Variants in GPC5 observed in about 807,000 individuals in gnomAD.
The protein encoded by GPC5 is glypican-5.
A neutral mutation model predicts 53.9 loss-of-function variants in GPC5; 47 were observed. That is an observed-to-expected ratio of 0.87 (90% confidence interval 0.69 to 1.11). GPC5 has a LOEUF of 1.11. Among genes scored for constraint, GPC5 ranks in the 50% most tolerant of loss-of-function variants. GPC5 has a pLI of 0.00. For missense variants in GPC5, 748 were observed against 713.1 expected, an observed-to-expected ratio of 1.05 and a Z score of -0.56; for synonymous variants, 286 against 263.3, an observed-to-expected ratio of 1.09 and a Z score of -0.84.
At chr13:92,449,155 G>A (rs781715607) in intron 7 of GPC5, 2 of 151,966 alleles carry the variant, frequency 1.3e-5, no homozygotes, top group East Asian at 3.9e-4. Context: ...TGATATTCAA[G>A]GTTTCCTAGG....
At position 92,638,139 on chromosome 13, in the gene GPC5, G is replaced by A. The variant is rs558970271; in HGVS notation, c.1562-228143G>A. On this transcript the variant is annotated intron_variant, in intron 7 of 7. Transcript: ENST00000377067. Reference sequence around the variant, plus strand: ...GGTAATTGGATTCCCCAAAGGATAGGGGAGAGGAAAGTTTTCAGAAAATAA... The same window carrying A: ...GGTAATTGGATTCCCCAAAGGATAGAGGAGAGGAAAGTTTTCAGAAAATAA... Among the ~76,000 whole-genome samples the A allele has an allele frequency of 1.1e-4, 17 of 152,194 alleles. 1 individual carries two copies. In the South Asian group the frequency reaches 3.5e-3, roughly 32 times the overall value.
intron 4 of GPC5, among the ~76,000 whole-genome samples, chr13:91,750,476 A>T (rs1423052003): frequency 6.6e-6 from 1 of 152,176 alleles, no homozygotes; most frequent in Non-Finnish European, 1.5e-5. Context: ...CAGTAGAGAA[A>T]TAATTGCATG....
At position 91,636,899 on chromosome 13, in the gene GPC5, A is replaced by T. The variant is rs537483850; in HGVS notation, c.326-56288A>T. ...CTCGAGTCCAGGCATTTGAGGCTGT[A>T]GTGAGCTATGATCCAGTACCCCTAT... On this transcript the variant is annotated intron_variant, in intron 2 of 7. Coordinates refer to ENST00000377067, the MANE Select transcript of GPC5 (RefSeq NM_004466.6). 2.6e-5 allele frequency among the ~76,000 whole-genome samples: 4 copies of T among 152,322 alleles called. No homozygotes were observed. The South Asian group carries it at 8.3e-4, about 32-fold the overall frequency.
At chr13:91,428,602 A>G (rs2139013424) in intron 1 of GPC5, among the ~76,000 whole-genome samples, 1 of 152,144 alleles carries the variant, frequency 6.6e-6, no homozygotes, top group South Asian at 2.1e-4. Context: ...TTGAAGGTTG[A>G]GTTTCACTGG....
At chr13:91,659,951 T>C (rs1209861803) in intron 2 of GPC5, among the ~76,000 whole-genome samples, 1 of 152,230 alleles carries the variant, frequency 6.6e-6, no homozygotes, top group African/African-American at 2.4e-5. Flanking sequence ...TCAGTCATCA[T>C]TGCTTGAGTT....
chr13:92,131,077 C>A (rs1363062897), intron 6 of GPC5, among the ~76,000 whole-genome samples: 2 of 151,668 alleles, frequency 1.3e-5, no homozygotes, highest in Non-Finnish European at 2.9e-5. Flanking sequence ...ATTTAAAAAC[C>A]TAAAAGCCTA....
chr13:92,118,502 AG>A (rs2041618438), intron 6 of GPC5, among the ~76,000 whole-genome samples: 1 of 152,204 alleles, frequency 6.6e-6, no homozygotes, highest in South Asian at 2.1e-4. Flanking sequence ...CAGCAGCTTC[AG>A]AACTAGAGCT....
chr13:92,610,888 G>A (rs1268927856), intron 7 of GPC5, among the ~76,000 whole-genome samples: 1 of 151,880 alleles, frequency 6.6e-6, no homozygotes, highest in African/African-American at 2.4e-5. Flanking sequence ...ATTGACACAT[G>A]GGGGAAAATA....
intron 7 of GPC5, among the ~76,000 whole-genome samples, chr13:92,530,500 T>C (rs1881523843): frequency 6.6e-6 from 1 of 152,116 alleles, no homozygotes; most frequent in Non-Finnish European, 1.5e-5. Flanking sequence ...TTTTTTTCCA[T>C]ATCTGAAAGT....
intron 5 of GPC5, among the ~76,000 whole-genome samples, chr13:91,777,441 T>C (rs2037728261): frequency 6.6e-6 from 1 of 152,190 alleles, no homozygotes; most frequent in Non-Finnish European, 1.5e-5. Flanking sequence ...TTAGAGCTAT[T>C]TAATGTGAAG....
intron 7 of GPC5, among the ~76,000 whole-genome samples, chr13:92,519,160 C>A (rs1383992723): frequency 1.3e-5 from 2 of 152,154 alleles, no homozygotes; most frequent in African/African-American, 4.8e-5. Context: ...GAGACTTAGA[C>A]TCCCACACAA....
intron 7 of GPC5, among the ~76,000 whole-genome samples, chr13:92,752,429 G>T (rs1046182582): frequency 6.6e-6 from 1 of 152,186 alleles, no homozygotes; most frequent in African/African-American, 2.4e-5. Context: ...TAAGTTGATG[G>T]AATTGTTGTA....
intron 5 of GPC5, among the ~76,000 whole-genome samples, chr13:91,770,311 G>T (rs2037598858): frequency 6.6e-6 from 1 of 152,058 alleles, no homozygotes; most frequent in Non-Finnish European, 1.5e-5. Flanking sequence ...TTATATTCAG[G>T]CTTCATCATG....
At chr13:92,371,361 T>C (rs947585350) in intron 7 of GPC5, among the ~76,000 whole-genome samples, 1 of 152,198 alleles carries the variant, frequency 6.6e-6, no homozygotes, top group Non-Finnish European at 1.5e-5. Flanking sequence ...TAAGAAATTA[T>C]GGTGATATCT....
intron 2 of GPC5, among the ~76,000 whole-genome samples, chr13:91,655,273 T>C (rs9589326): frequency 0.16 from 24,615 of 152,054 alleles, 2,189 homozygotes; most frequent in East Asian, 0.29. Flanking sequence ...AGGACAATTC[T>C]TAGGGAAAAT....
chr13:91,785,990 TTCAA>T (rs1176544274), intron 5 of GPC5, among the ~76,000 whole-genome samples: 2 of 151,964 alleles, frequency 1.3e-5, no homozygotes, highest in Non-Finnish European at 2.9e-5. Context: ...ACTACAATGA[TTCAA>T]AGTTTTTCTT....
rs2032253150 is a variant in GPC5 at position 91,579,179 on chromosome 13, G to A, written c.326-114008G>A. On this transcript the variant is annotated intron_variant, in intron 2 of 7. Coordinates refer to ENST00000377067, the MANE Select transcript of GPC5 (RefSeq NM_004466.6). ...TGATAATTGTCATGTACTGTCACAT[G>A]TGGGATTCAACCAGAGAGCCATACA... Among the ~76,000 whole-genome samples, 4 of 152,156 alleles carry A rather than the reference G, an allele frequency of 2.6e-5. No individual in the cohort carries two copies. In the South Asian group the frequency reaches 8.3e-4, roughly 32 times the overall value.
chr13:91,620,479 A>G (rs1340185917), intron 2 of GPC5, among the ~76,000 whole-genome samples: 1 of 152,164 alleles, frequency 6.6e-6, no homozygotes, highest in Non-Finnish European at 1.5e-5. Context: ...TTGGGTACCC[A>G]TGAAGATTGG....
chr13:91,714,832 C>G (rs766327094), intron 3 of GPC5, among the ~76,000 whole-genome samples: 3 of 152,004 alleles, frequency 2.0e-5, no homozygotes, highest in Non-Finnish European at 4.4e-5. Context: ...TTGCTTTGCC[C>G]GGGAAAGAAC....
Sources: allele counts gnomAD v4.1 joint callset (sites outside exome capture counted in the v4.1 genomes callset), GRCh38; gene constraint gnomAD v4.1.1; transcripts MANE v1.5; gene names NCBI Gene and HGNC (gene_info 2026-07-23, HGNC 2026-07-21).